Variants in TP53INP1 observed in about 807,000 individuals in gnomAD.
The protein encoded by TP53INP1 is tumor protein p53-inducible nuclear protein 1.
Under a neutral mutation model 21.0 loss-of-function variants are expected in TP53INP1, and 12 were observed. The ratio of observed to expected loss-of-function variants is 0.57; its 90% CI spans 0.37 to 0.93. The LOEUF is 0.93. Ranked by LOEUF, TP53INP1 falls within the 40% of genes least tolerant of loss-of-function variation. The pLI is 0.01. For missense variants in TP53INP1, 274 were observed against 294.7 expected, an observed-to-expected ratio of 0.93 and a Z score of 0.51; for synonymous variants, 91 against 94.8, an observed-to-expected ratio of 0.96 and a Z score of 0.23.
intron 2 of TP53INP1, 104 bp from the exon 3 acceptor site, chr8:94,940,324 CA>C: frequency 2.2e-6 from 3 of 1,355,636 alleles, no homozygotes; most frequent in Non-Finnish European, 3.0e-6. Context: ...ATCAAATTCA[CA>C]GCACAGAAAA....
chr8:94,948,223 G>T (rs951733920), intron 1 of TP53INP1, among the ~76,000 whole-genome samples: 6 of 152,160 alleles, frequency 3.9e-5, no homozygotes, highest in Non-Finnish European at 7.3e-5. Flanking sequence ...CTGCCACTTT[G>T]AAATACAAAC....
intron 1 of TP53INP1, chr8:94,945,562 T>G (rs769686214): frequency 6.6e-5 from 10 of 152,270 alleles, no homozygotes; most frequent in African/African-American, 9.6e-5. Flanking sequence ...ACTGCTACTG[T>G]TGACCTTGGC....
intron 1 of TP53INP1, among the ~76,000 whole-genome samples, chr8:94,948,283 T>C (rs896854): frequency 0.46 from 70,047 of 152,062 alleles, 17,112 homozygotes; most frequent in East Asian, 0.72. Flanking sequence ...ACTTAATCTC[T>C]CTGTGCCTCG....
At position 94,927,977 on chromosome 8, in the gene TP53INP1, G is replaced by A. The variant is rs1416925941; in HGVS notation, c.*2502C>T. The A allele has an allele frequency of 6.6e-6, 1 of 151,742 alleles. No homozygotes were observed. Among genetic ancestry groups the A allele is most frequent in the African/African-American group, 2.4e-5 (1 of 41,276 alleles). The allele number at this position is 151,742 out of a possible 1,614,324, so 9.4% of individuals were successfully genotyped here. On this transcript the variant is annotated 3_prime_UTR_variant, in exon 4 of 4. Transcript: ENST00000342697. ...AGAGAATACTTAACAGGTCAACATCGTTCTGTGTTGTGGTTGGCCTTGTGT... is the reference window on the plus strand; with the variant it reads ...AGAGAATACTTAACAGGTCAACATCATTCTGTGTTGTGGTTGGCCTTGTGT...
At chr8:94,939,770 C>T (rs1215733159) in intron 3 of TP53INP1, 90 bp downstream of exon 3, 12 of 1,526,584 alleles carry the variant, frequency 7.9e-6, no homozygotes, top group Non-Finnish European at 1.1e-5. Flanking sequence ...ATTAGTTTTG[C>T]ATCTTCTAAT....
chr8:94,929,114 ACCCTGG>A lies in TP53INP1; in HGVS notation c.*1359_*1364del, dbSNP rs1820152035. The A allele has an allele frequency of 6.6e-6, 1 of 152,588 alleles. No individual in the cohort carries two copies. The highest frequency in any genetic ancestry group is 1.5e-5 in the Non-Finnish European group (1 of 68,060). The allele number at this position is 152,588 out of a possible 1,614,324, so 9.5% of individuals were successfully genotyped here. Reference sequence around the variant, plus strand: ...GGCCTACGTGTGAATCGAACCCTGCACCCTGGCCTCATTAGCACCAACACTGTGAAG... The same window carrying A: ...GGCCTACGTGTGAATCGAACCCTGCACCTCATTAGCACCAACACTGTGAAG... On this transcript the variant is annotated 3_prime_UTR_variant, in exon 4 of 4. Transcript: ENST00000342697.
At chr8:94,933,970 G>A (rs1820712860) in intron 3 of TP53INP1, among the ~76,000 whole-genome samples, 1 of 151,776 alleles carries the variant, frequency 6.6e-6, no homozygotes, top group African/African-American at 2.4e-5. Flanking sequence ...CCAGCTACTT[G>A]GGAGGCTGAG....
intron 1 of TP53INP1, among the ~76,000 whole-genome samples, chr8:94,943,946 G>C (rs183911902): frequency 7.1e-4 from 108 of 152,292 alleles, no homozygotes; most frequent in Non-Finnish European, 1.6e-4. Context: ...GAAGAAAAGT[G>C]TAGTTTGTTT....
intron 3 of TP53INP1, among the ~76,000 whole-genome samples, chr8:94,935,720 A>G (rs904599707): frequency 1.3e-5 from 2 of 152,216 alleles, no homozygotes; most frequent in Non-Finnish European, 2.9e-5. Flanking sequence ...TAAAGCCCTG[A>G]TTCAGGCTAC....
At chr8:94,936,511 T>C (rs954480652) in intron 3 of TP53INP1, among the ~76,000 whole-genome samples, 1 of 152,056 alleles carries the variant, frequency 6.6e-6, no homozygotes, top group African/African-American at 2.4e-5. Context: ...TCAAAGAAGG[T>C]AAAAACAAAT....
chr8:94,948,546 G>A lies in TP53INP1; in HGVS notation c.-151+608C>T, dbSNP rs181090585. 4.9e-3 allele frequency among the ~76,000 whole-genome samples: 753 copies of A among 152,290 alleles called. 29 individuals are homozygous for A. The highest frequency in any genetic ancestry group is 0.045 in the Admixed American group (691 of 15,300). On this transcript the variant is annotated intron_variant, in intron 1 of 3. Transcript: ENST00000342697. ...GGCCGCGGACAGGCGGGGGCCGGTG[G>A]CCGGGTCACGGAGCAGGTTCCCCAT...
At chr8:94,942,374 A>G (rs1224632585) in intron 1 of TP53INP1, among the ~76,000 whole-genome samples, 1 of 151,450 alleles carries the variant, frequency 6.6e-6, no homozygotes, top group Non-Finnish European at 1.5e-5. Flanking sequence ...CCTCATCCCA[A>G]CCACCAAGTC....
chr8:94,931,855 C>T (rs1159873796), intron 3 of TP53INP1, among the ~76,000 whole-genome samples: 1 of 152,004 alleles, frequency 6.6e-6, no homozygotes, highest in African/African-American at 2.4e-5. Context: ...GCCTGTAATC[C>T]CAGCTACTTG....
chr8:94,936,713 A>G (rs966011875), intron 3 of TP53INP1, among the ~76,000 whole-genome samples: 12 of 152,146 alleles, frequency 7.9e-5, no homozygotes, highest in Middle Eastern at 3.2e-3. Context: ...ATATTAGGAC[A>G]TGCCAGTGGC....
rs1244742847 is a variant in TP53INP1 at position 94,927,242 on chromosome 8, T to TAC, written c.*3236_*3237insGT. 1.3e-5 allele frequency: 2 copies of TAC among 152,654 alleles called. No individual in the cohort carries two copies. The highest frequency in any genetic ancestry group is 2.9e-5 in the Non-Finnish European group (2 of 68,038). 9.5% of individuals were successfully genotyped at this position (152,654 alleles called of 1,614,324 possible). A position where few individuals can be genotyped will look rare whatever the true frequency, so the allele number is the denominator to read the frequency against. On this transcript the variant is annotated 3_prime_UTR_variant, in exon 4 of 4. Transcript: ENST00000342697. The stretch of plus-strand genomic sequence containing the variant: ...TGAAGATACTCTTCCTTGCTCGTTT[T>TAC]TCTTAAGAGTACATAAAGATAATAT...
At chr8:94,935,089 C>CAGTAGGTA (rs1554630932) in intron 3 of TP53INP1, among the ~76,000 whole-genome samples, 1 of 149,836 alleles carries the variant, frequency 6.7e-6, no homozygotes, top group African/African-American at 2.5e-5. Context: ...AAACAGGAAA[C>CAGTAGGTA]GGTAGGTAGG....
intron 3 of TP53INP1, among the ~76,000 whole-genome samples, chr8:94,936,475 T>C (rs1028671693): frequency 2.6e-5 from 4 of 152,094 alleles, no homozygotes; most frequent in Non-Finnish European, 5.9e-5. Flanking sequence ...ACAGACAGCA[T>C]CTTGTTTGGA....
intron 2 of TP53INP1, 113 bp from the exon 3 acceptor site, chr8:94,940,333 A>G: frequency 7.9e-7 from 1 of 1,263,076 alleles, no homozygotes; most frequent in Non-Finnish European, 1.1e-6. Flanking sequence ...ACAGCACAGA[A>G]AAAGAAGAGA....
Position 94,941,049 on chromosome 8 carries a change from G to A in TP53INP1, c.-108C>T, listed in dbSNP as rs1563731897. 1 of 746,530 alleles carries A rather than the reference G, an allele frequency of 1.3e-6. No homozygotes were observed. The highest frequency in any genetic ancestry group is 2.2e-6 in the Non-Finnish European group (1 of 449,686). 46.2% of individuals were successfully genotyped at this position (746,530 alleles called of 1,614,324 possible). ...CCGACAGGAGATTAAAGTGCACAGGGTGCTTATTCAACTTAGGTGAAAAGC... is the reference window on the plus strand; with the variant it reads ...CCGACAGGAGATTAAAGTGCACAGGATGCTTATTCAACTTAGGTGAAAAGC... On this transcript the variant is annotated 5_prime_UTR_variant, in exon 2 of 4. Transcript: ENST00000342697.
Sources: allele counts gnomAD v4.1 joint callset (sites outside exome capture counted in the v4.1 genomes callset), GRCh38; gene constraint gnomAD v4.1.1; transcripts MANE v1.5; gene names NCBI Gene and HGNC (gene_info 2026-07-23, HGNC 2026-07-21).